ASTN1: variants seen among roughly 807,000 people sequenced by gnomAD.
ASTN1 encodes astrotactin 1.
In ASTN1, 41 loss-of-function variants were observed where a neutral mutation model predicts 140.7. That is an observed-to-expected ratio of 0.29 (90% CI 0.23 to 0.38). ASTN1 has a LOEUF of 0.38. ASTN1 is among the 10% of genes least tolerant of loss of function. The pLI is 1.00. For missense variants in ASTN1, 1,479 were observed against 1,678.8 expected, an observed-to-expected ratio of 0.88 and a Z score of 2.08; for synonymous variants, 640 against 652.2, an observed-to-expected ratio of 0.98 and a Z score of 0.29.
intron 1 of ASTN1, among the ~76,000 whole-genome samples, chr1:177,090,632 CAT>C (rs1234682679): frequency 1.3e-5 from 2 of 152,176 alleles, no homozygotes; most frequent in African/African-American, 2.4e-5. Flanking sequence ...CTTGTGCTAA[CAT>C]AGCTCAGCTG....
chr1:176,987,269 A>G (rs1016907305), intron 8 of ASTN1, among the ~76,000 whole-genome samples: 4 of 152,218 alleles, frequency 2.6e-5, no homozygotes, highest in Non-Finnish European at 5.9e-5. Context: ...TTGCAACTAC[A>G]TAACTCTGCT....
chr1:177,130,834 A>T (rs1224162619), intron 1 of ASTN1, among the ~76,000 whole-genome samples: 1 of 152,236 alleles, frequency 6.6e-6, no homozygotes, highest in Non-Finnish European at 1.5e-5. Context: ...GGTTACCATT[A>T]GCTCCTGGCA....
intron 8 of ASTN1, among the ~76,000 whole-genome samples, chr1:176,974,479 G>A (rs558217281): frequency 6.7e-4 from 101 of 151,170 alleles, no homozygotes; most frequent in South Asian, 5.2e-3. Flanking sequence ...TCCGCCTCCC[G>A]GGTTCAAGCG....
At chr1:176,905,352 G>T (rs116119102) in intron 16 of ASTN1, among the ~76,000 whole-genome samples, 4 of 152,122 alleles carry the variant, frequency 2.6e-5, no homozygotes, top group Non-Finnish European at 5.9e-5. Flanking sequence ...TGCTGCAAAG[G>T]CTGGCTCATA....
At chr1:176,885,009 T>C (rs1668975476) in intron 18 of ASTN1, among the ~76,000 whole-genome samples, 2 of 152,222 alleles carry the variant, frequency 1.3e-5, no homozygotes, top group Non-Finnish European at 2.9e-5. Context: ...CTTCTTGCTA[T>C]GGGAACTAAC....
chr1:176,988,146 C>T (rs1673991121), intron 8 of ASTN1, among the ~76,000 whole-genome samples: 1 of 151,740 alleles, frequency 6.6e-6, no homozygotes, highest in Non-Finnish European at 1.5e-5. Context: ...AAAATGGAGC[C>T]CTGAAACCCA....
intron 2 of ASTN1, among the ~76,000 whole-genome samples, chr1:177,047,506 C>T (rs900419693): frequency 2.6e-4 from 39 of 152,248 alleles, no homozygotes; most frequent in African/African-American, 9.4e-4. Context: ...CAAGGTTTTC[C>T]ACTAGGGAGA....
chr1:177,091,926 T>G (rs532934153), intron 1 of ASTN1, among the ~76,000 whole-genome samples: 3 of 131,488 alleles, frequency 2.3e-5, no homozygotes, highest in African/African-American at 7.9e-5. Context: ...GGATTGTCTC[T>G]TTTTTTTAAT....
At chr1:176,947,528 G>C (rs1672009561) in intron 12 of ASTN1, among the ~76,000 whole-genome samples, 1 of 152,118 alleles carries the variant, frequency 6.6e-6, no homozygotes, top group Non-Finnish European at 1.5e-5. Flanking sequence ...GATTCTTATT[G>C]AAACAGGAAA....
Position 177,061,098 on chromosome 1 carries a change from T to A in ASTN1, c.451A>T (p.Ile151Phe), listed in dbSNP as rs1399715751. 6.2e-7 allele frequency: 1 copy of A among 1,606,708 alleles called. No individual in the cohort carries two copies. Among genetic ancestry groups the A allele is most frequent in the Non-Finnish European group, 8.5e-7 (1 of 1,176,620 alleles). Residue 151 changes from isoleucine to phenylalanine, a missense_variant, in exon 2 of 23, where the codon ATC (isoleucine) becomes TTC (phenylalanine). Coordinates refer to ENST00000361833, the MANE Select transcript of ASTN1 (RefSeq NM_004319.3). ...CTTACCATGACTGAGATGTGGAGGA[T>A]CCTCAGCTCCTCTTCTGCCGACTCA... ...QHESAEEELR[I>F]LHISVMGGMI... is the part of the protein sequence containing the mutation.
intron 1 of ASTN1, among the ~76,000 whole-genome samples, chr1:177,118,678 T>G (rs1160206490): frequency 6.6e-6 from 1 of 152,150 alleles, no homozygotes; most frequent in Non-Finnish European, 1.5e-5. Context: ...AGGCTGTCTT[T>G]AAAAATCAGG....
intron 22 of ASTN1, among the ~76,000 whole-genome samples, chr1:176,868,201 G>A (rs1668198743): frequency 6.6e-6 from 1 of 152,136 alleles, no homozygotes; most frequent in Non-Finnish European, 1.5e-5. Flanking sequence ...ATGATTAACA[G>A]AACAAAAGAA....
intron 16 of ASTN1, among the ~76,000 whole-genome samples, chr1:176,917,513 T>C (rs916948905): frequency 6.6e-6 from 1 of 152,122 alleles, no homozygotes; most frequent in African/African-American, 2.4e-5. Flanking sequence ...GCCAAAGACA[T>C]GCCCGGGCAG....
chr1:177,131,792 G>A lies in ASTN1; in HGVS notation c.283+32602C>T, dbSNP rs181516696. Among the ~76,000 whole-genome samples, 4 of 152,250 alleles carry A rather than the reference G, an allele frequency of 2.6e-5. No homozygotes were observed. In the East Asian group the frequency reaches 7.7e-4, roughly 29 times the overall value. On this transcript the variant is annotated intron_variant, in intron 1 of 22. Coordinates refer to ENST00000361833, the MANE Select transcript of ASTN1 (RefSeq NM_004319.3). ...AGTTCAGGACCGGACATCTGCATCT[G>A]GTGAGAGCCTCAGGCTGCTTTGTCT...
chr1:177,155,636 T>A (rs576554431), intron 1 of ASTN1, among the ~76,000 whole-genome samples: 2 of 152,198 alleles, frequency 1.3e-5, no homozygotes, highest in African/African-American at 4.8e-5. Context: ...ATTAAATACA[T>A]GGATGGTAGA....
At chr1:176,964,523 C>T (rs1298549835) in intron 9 of ASTN1, among the ~76,000 whole-genome samples, 1 of 152,190 alleles carries the variant, frequency 6.6e-6, no homozygotes, top group Non-Finnish European at 1.5e-5. Context: ...ATAATTGAAT[C>T]CTTCCTGGCT....
chr1:177,055,278 A>C (rs1677743963), intron 2 of ASTN1, among the ~76,000 whole-genome samples: 1 of 152,234 alleles, frequency 6.6e-6, no homozygotes, highest in African/African-American at 2.4e-5. Flanking sequence ...AAAATAGATG[A>C]GCAACCCAAA....
At chr1:176,987,671 T>C (rs374509964) in intron 8 of ASTN1, among the ~76,000 whole-genome samples, 138 of 152,352 alleles carry the variant, frequency 9.1e-4, no homozygotes, top group African/African-American at 3.2e-3. Flanking sequence ...TCATGGTAAC[T>C]TTCCTATCAG....
At position 177,021,749 on chromosome 1, in the gene ASTN1, C is replaced by G. The variant is rs568346443; in HGVS notation, c.1438+1655G>C. On this transcript the variant is annotated intron_variant, in intron 7 of 22. Transcript: ENST00000361833. ...TCCAAGTAGGAGCATCCAAAGCTCCCCCCGGGGATCAAGCTTCTCTCAGAA... is the reference window on the plus strand; with the variant it reads ...TCCAAGTAGGAGCATCCAAAGCTCCGCCCGGGGATCAAGCTTCTCTCAGAA... 1.6e-3 allele frequency among the ~76,000 whole-genome samples: 241 copies of G among 152,302 alleles called. 1 individual carries two copies. The highest frequency in any genetic ancestry group is 6.8e-3 in the Middle Eastern group (2 of 294).
Sources: allele counts gnomAD v4.1 joint callset (sites outside exome capture counted in the v4.1 genomes callset), GRCh38; gene constraint gnomAD v4.1.1; transcripts MANE v1.5; gene names NCBI Gene and HGNC (gene_info 2026-07-23, HGNC 2026-07-21).